KLHL8: variants seen among roughly 807,000 people sequenced by gnomAD.
KLHL8 encodes the protein kelch-like protein 8.
Under a neutral mutation model 63.5 loss-of-function variants are expected in KLHL8, and 38 were observed. The observed-to-expected ratio is 0.60, with a 90% CI of 0.46 to 0.78. The LOEUF is 0.78. KLHL8 is among the 30% of genes least tolerant of loss of function. The pLI is 0.00. For missense variants in KLHL8, 566 were observed against 752.4 expected (o/e 0.75, Z 2.90); for synonymous variants, 224 against 254.3 (o/e 0.88, Z 1.13).
intron 6 of KLHL8, 57 bp from the exon 7 acceptor site, chr4:87,170,672 CAT>C: frequency 6.7e-7 from 1 of 1,483,526 alleles, no homozygotes; most frequent in South Asian, 1.3e-5. Context: ...GAAAAAAAGT[CAT>C]ATAAAAAATT....
chr4:87,165,165 A>AAAC (rs1730348783), intron 8 of KLHL8, among the ~76,000 whole-genome samples: 1 of 151,014 alleles, frequency 6.6e-6, no homozygotes, highest in Non-Finnish European at 1.5e-5. Flanking sequence ...AAAAAAAAAA[A>AAAC]AAAAAAAAGG....
At chr4:87,235,071 G>A (rs1733203262) in intron 1 of KLHL8, among the ~76,000 whole-genome samples, 5 of 152,120 alleles carry the variant, frequency 3.3e-5, no homozygotes, top group Non-Finnish European at 5.9e-5. Flanking sequence ...TTTATTACCA[G>A]AGAAAGAATA....
At chr4:87,178,805 A>T (rs1560695895) in intron 4 of KLHL8, among the ~76,000 whole-genome samples, 185 bp from the exon 5 acceptor site, 1 of 152,180 alleles carries the variant, frequency 6.6e-6, no homozygotes, top group South Asian at 2.1e-4. Context: ...GGGTATATCA[A>T]CTATCTCTGC....
chr4:87,178,699 A>C (rs954883815), intron 4 of KLHL8, 79 bp from the exon 5 acceptor site: 2 of 1,391,172 alleles, frequency 1.4e-6, no homozygotes, highest in South Asian at 3.1e-5. Context: ...CTTTGGATAA[A>C]AGCAAAAAGA....
intron 1 of KLHL8, among the ~76,000 whole-genome samples, chr4:87,200,456 TA>T (rs1731875590): frequency 1.3e-5 from 2 of 152,238 alleles, no homozygotes; most frequent in African/African-American, 4.8e-5. Flanking sequence ...AAATTTGTAT[TA>T]TTTTTATTGG....
chr4:87,203,362 C>T (rs1357578573), intron 1 of KLHL8, among the ~76,000 whole-genome samples: 1 of 151,784 alleles, frequency 6.6e-6, no homozygotes, highest in Non-Finnish European at 1.5e-5. Context: ...ATGATGAAAC[C>T]CCGTCTCTAC....
intron 1 of KLHL8, among the ~76,000 whole-genome samples, chr4:87,233,316 C>A (rs1289172176): frequency 6.6e-6 from 1 of 152,066 alleles, no homozygotes; most frequent in Non-Finnish European, 1.5e-5. Flanking sequence ...TGACCGGGTG[C>A]GTGGCTCATG....
At position 87,161,509 on chromosome 4, in the gene KLHL8, T is replaced by A. The variant is rs917534111; in HGVS notation, c.*2010A>T. The A allele has an allele frequency of 3.3e-5, 5 of 152,130 alleles. No individual in the cohort carries two copies. Among genetic ancestry groups the A allele is most frequent in the African/African-American group, 1.2e-4 (5 of 41,422 alleles). 9.4% of individuals were successfully genotyped at this position (152,130 alleles called of 1,614,324 possible). Reference sequence around the variant, plus strand: ...CCAGAAATGAAAATATAATAACCCTTATAACTCCTTACATATAAGAAAGAC... The same window carrying A: ...CCAGAAATGAAAATATAATAACCCTAATAACTCCTTACATATAAGAAAGAC... On this transcript the variant is annotated 3_prime_UTR_variant, in exon 10 of 10. Transcript: ENST00000273963.
chr4:87,185,780 G>C lies in KLHL8; in HGVS notation c.236C>G (p.Ser79Cys). The C allele has an allele frequency of 6.2e-7, 1 of 1,608,950 alleles. No individual in the cohort carries two copies. The highest frequency in any genetic ancestry group is 8.5e-7 in the Non-Finnish European group (1 of 1,177,490). ...ACAAGCCAATACCAGCTTGTGACAA[G>C]AGATTAGCTTTGAGCCAACCTGTTC... ...VTLKVGSKLI[S>C]CHKLVLACVI... Residue 79 changes from serine to cysteine, a missense_variant, in exon 3 of 10, where the codon TCT becomes TGT. Ser to Cys is a moderately radical substitution (Grantham distance 112). Coordinates refer to ENST00000273963, the MANE Select transcript of KLHL8 (RefSeq NM_020803.5).
chr4:87,222,676 C>T (rs572759905), upstream of KLHL8, among the ~76,000 whole-genome samples: 662 of 152,250 alleles, frequency 4.3e-3, 21 homozygotes, highest in Non-Finnish European at 1.2e-3. Context: ...CTCCACCTCC[C>T]AGGTTCAAGT....
chr4:87,171,887 A>G (rs1035370808), intron 6 of KLHL8, among the ~76,000 whole-genome samples: 1 of 152,130 alleles, frequency 6.6e-6, no homozygotes, highest in Non-Finnish European at 1.5e-5. Context: ...TGATAATTCA[A>G]ATATATATTT....
chr4:87,165,149 CAAAAAAAAAAAA>C (rs71660120), intron 8 of KLHL8, among the ~76,000 whole-genome samples: 5 of 34,126 alleles, frequency 1.5e-4, no homozygotes, highest in Non-Finnish European at 2.1e-4. Context: ...GACTCTGTCT[CAAAAAAAAAAAA>C]AAAAAAAAAA....
intron 2 of KLHL8, among the ~76,000 whole-genome samples, chr4:87,191,669 A>C (rs986010612): frequency 6.6e-6 from 1 of 152,052 alleles, no homozygotes; most frequent in South Asian, 2.1e-4. Context: ...CATCATGCTG[A>C]GGTTTGGTGT....
intron 1 of KLHL8, among the ~76,000 whole-genome samples, chr4:87,203,186 A>G (rs1200998865): frequency 6.6e-6 from 1 of 152,238 alleles, no homozygotes; most frequent in East Asian, 1.9e-4. Flanking sequence ...ATAATTGTCT[A>G]TGTAAACCAT....
At chr4:87,171,448 G>A (rs1397610417) in intron 6 of KLHL8, among the ~76,000 whole-genome samples, 1 of 152,162 alleles carries the variant, frequency 6.6e-6, no homozygotes, top group Non-Finnish European at 1.5e-5. Flanking sequence ...TTACCAGAGA[G>A]TATCCAACAA....
At chr4:87,198,385 T>A (rs1157578542) in intron 1 of KLHL8, among the ~76,000 whole-genome samples, 1 of 152,154 alleles carries the variant, frequency 6.6e-6, no homozygotes, top group Non-Finnish European at 1.5e-5. Flanking sequence ...AGTTTGCTGA[T>A]CCCTGAGTAA....
intron 2 of KLHL8, among the ~76,000 whole-genome samples, chr4:87,192,044 G>A (rs1389776438): frequency 6.6e-6 from 1 of 152,060 alleles, no homozygotes; most frequent in Admixed American, 6.6e-5. Flanking sequence ...CCATATCTTT[G>A]CTATTTGTGA....
chr4:87,171,193 T>C (rs1276908278), intron 6 of KLHL8, among the ~76,000 whole-genome samples: 2 of 152,150 alleles, frequency 1.3e-5, no homozygotes, highest in Non-Finnish European at 2.9e-5. Flanking sequence ...AAAAACTCAA[T>C]TTCTTAAAAA....
chr4:87,181,801 ATGACTGTC>A (rs1258574261), intron 4 of KLHL8, among the ~76,000 whole-genome samples: 2 of 152,206 alleles, frequency 1.3e-5, no homozygotes, highest in Non-Finnish European at 1.5e-5. Context: ...GATCATTTAT[ATGACTGTC>A]TAGTATATTT....
Sources: allele counts gnomAD v4.1 joint callset (sites outside exome capture counted in the v4.1 genomes callset), GRCh38; gene constraint gnomAD v4.1.1; transcripts MANE v1.5; gene names NCBI Gene and HGNC (gene_info 2026-07-23, HGNC 2026-07-21).